Variants in CPO observed in about 807,000 individuals in gnomAD.
CPO encodes the protein metallocarboxypeptidase C.
In CPO, 43 loss-of-function variants were observed where a neutral mutation model predicts 41.2. That is an observed-to-expected ratio of 1.04 (90% CI 0.82 to 1.35). CPO has a LOEUF of 1.35. Among genes scored for constraint, CPO ranks in the 40% most tolerant of loss-of-function variants. The pLI, the probability that CPO is intolerant of heterozygous loss-of-function variation, is 0.00. For synonymous variants in CPO, 178 were observed against 162.7 expected, an observed-to-expected ratio of 1.09 and a Z score of -0.72; for missense variants, 408 against 451.7, an observed-to-expected ratio of 0.90 and a Z score of 0.88.
rs146258557 is a variant in CPO, at chr2:206,954,789, A to G, written c.166-674A>G. 6.8e-3 allele frequency among the ~76,000 whole-genome samples: 1,042 copies of G among 152,322 alleles called. 17 individuals are homozygous for G. The highest frequency in any genetic ancestry group is 0.024 in the African/African-American group (992 of 41,576). ...GGGCTGGGGAGGCCTCAGGAAACTT[A>G]CAATCATGGTGGAAGGGGAAACAAG... On this transcript the variant is annotated intron_variant, in intron 2 of 8. Coordinates refer to ENST00000272852, the MANE Select transcript of CPO (RefSeq NM_173077.3).
At chr2:206,968,721 T>C (rs1044623226) in intron 8 of CPO, among the ~76,000 whole-genome samples, 2 of 152,270 alleles carry the variant, frequency 1.3e-5, no homozygotes, top group Non-Finnish European at 2.9e-5. Context: ...GAGAAAAAAA[T>C]CTAAAGACAA....
chr2:206,952,510 A>G (rs1693284328), intron 2 of CPO, among the ~76,000 whole-genome samples: 1 of 152,212 alleles, frequency 6.6e-6, no homozygotes, highest in Admixed American at 6.5e-5. Flanking sequence ...GATTGTCTGA[A>G]TATGTCTTAT....
Position 206,962,498 on chromosome 2 carries a change from T to A in CPO, c.661T>A (p.Phe221Ile), listed in dbSNP as rs750595243. The change falls in exon 7 of 9, where the codon TTC becomes ATC. Residue 221 changes from phenylalanine (F) to isoleucine (I), a missense_variant. Phe to Ile is a conservative substitution (Grantham distance 21, BLOSUM62 0). Coordinates refer to ENST00000272852, the MANE Select transcript of CPO (RefSeq NM_173077.3). Reference sequence around the variant, plus strand: ...ACCAGAGACTAAAGCTGTTGCCAGCTTCATAGAGAGCAAGAAGGATGATAT... The same window carrying A: ...ACCAGAGACTAAAGCTGTTGCCAGCATCATAGAGAGCAAGAAGGATGATAT... Reference protein sequence around the residue: ...SEPETKAVASFIESKKDDILC... With the variant: ...SEPETKAVASIIESKKDDILC... 6.2e-7 allele frequency: 1 copy of A among 1,614,176 alleles called. No individual in the cohort carries two copies. The highest frequency in any genetic ancestry group is 8.5e-7 in the Non-Finnish European group (1 of 1,180,000).
At chr2:206,953,507 C>A (rs1040896545) in intron 2 of CPO, among the ~76,000 whole-genome samples, 6 of 152,262 alleles carry the variant, frequency 3.9e-5, no homozygotes, top group African/African-American at 1.4e-4. Context: ...AAGAGGTGGG[C>A]TCCTACAACC....
intron 1 of CPO, among the ~76,000 whole-genome samples, chr2:206,945,893 G>T (rs181707367): frequency 5.6e-4 from 85 of 151,976 alleles, no homozygotes; most frequent in African/African-American, 1.7e-3. Context: ...CCGAGATCAT[G>T]CCATTGCACC....
chr2:206,965,753 G>A (rs1367815925), intron 7 of CPO, among the ~76,000 whole-genome samples: 1 of 152,080 alleles, frequency 6.6e-6, no homozygotes, highest in Non-Finnish European at 1.5e-5. Context: ...AAGCGGGCCG[G>A]AGGTTTTTAC....
chr2:206,943,590 T>C (rs1693068214), intron 1 of CPO, among the ~76,000 whole-genome samples: 1 of 123,874 alleles, frequency 8.1e-6, no homozygotes, highest in African/African-American at 3.1e-5. Flanking sequence ...TAAGCCTATG[T>C]AACAAAGTCT....
intron 8 of CPO, 123 bp from the exon 9 acceptor site, chr2:206,969,051 G>A (rs879200885): frequency 9.9e-7 from 1 of 1,006,782 alleles, no homozygotes; most frequent in South Asian, 1.6e-5. Context: ...AGCTATTTCT[G>A]AGACCCTGAT....
chr2:206,950,697 T>C (rs1693244444), intron 2 of CPO, among the ~76,000 whole-genome samples: 1 of 152,164 alleles, frequency 6.6e-6, no homozygotes, highest in Non-Finnish European at 1.5e-5. Flanking sequence ...AATGATAGAT[T>C]GCATTAAGAA....
At chr2:206,950,121 G>T (rs752440492) in intron 2 of CPO, among the ~76,000 whole-genome samples, 1 of 152,158 alleles carries the variant, frequency 6.6e-6, no homozygotes, top group African/African-American at 2.4e-5. Flanking sequence ...TGTATTTATT[G>T]TAGGATTTAC....
intron 3 of CPO, among the ~76,000 whole-genome samples, chr2:206,956,500 A>C (rs944379070): frequency 2.6e-5 from 4 of 152,174 alleles, no homozygotes; most frequent in African/African-American, 9.7e-5. Flanking sequence ...ACTAAGTCAG[A>C]AACTCGGAGG....
chr2:206,964,366 T>G (rs1453245522), intron 7 of CPO, among the ~76,000 whole-genome samples: 1 of 152,236 alleles, frequency 6.6e-6, no homozygotes, highest in Admixed American at 6.5e-5. Context: ...CTTTACAATT[T>G]ACAGAGAGAT....
intron 2 of CPO, among the ~76,000 whole-genome samples, chr2:206,951,129 T>C (rs776018452): frequency 1.2e-4 from 18 of 152,136 alleles, no homozygotes; most frequent in Non-Finnish European, 2.4e-4. Flanking sequence ...ATGTACCTTT[T>C]AAGTATAAAT....
chr2:206,957,133 T>G (rs1197269497), intron 3 of CPO, among the ~76,000 whole-genome samples: 1 of 151,932 alleles, frequency 6.6e-6, no homozygotes, highest in African/African-American at 2.4e-5. Flanking sequence ...ATCCCAGCAC[T>G]TTGGGAGGCT....
intron 7 of CPO, among the ~76,000 whole-genome samples, chr2:206,967,346 T>TATATATAG (rs1452317069): frequency 2.1e-4 from 23 of 111,300 alleles, no homozygotes; most frequent in African/African-American, 8.8e-4. Context: ...TATATATATA[T>TATATATAG]ATATAGATAT....
intron 4 of CPO, 107 bp downstream of exon 4, chr2:206,958,512 C>A (rs1693415935): frequency 1.6e-6 from 1 of 610,490 alleles, no homozygotes; most frequent in Non-Finnish European, 2.9e-6. Flanking sequence ...TGATGCAACT[C>A]TTTACTGTGC....
chr2:206,953,891 T>C (rs1172205467), intron 2 of CPO, among the ~76,000 whole-genome samples: 1 of 152,330 alleles, frequency 6.6e-6, no homozygotes, highest in African/African-American at 2.4e-5. Flanking sequence ...ACCTGCAGGC[T>C]CAACACTATG....
At chr2:206,965,853 C>T (rs2105829764) in intron 7 of CPO, among the ~76,000 whole-genome samples, 1 of 152,248 alleles carries the variant, frequency 6.6e-6, no homozygotes, top group Middle Eastern at 3.4e-3. Context: ...GGCAGAGAAA[C>T]TGGCTCTATT....
intron 7 of CPO, among the ~76,000 whole-genome samples, chr2:206,967,344 TATATATAG>T (rs1183393009): frequency 9.4e-4 from 72 of 76,784 alleles, no homozygotes; most frequent in Admixed American, 6.7e-3. Context: ...TATATATATA[TATATATAG>T]ATATATAGAT....
Sources: gnomAD v4.1 joint callset for allele counts (sites outside exome capture counted in the v4.1 genomes callset) on GRCh38, gnomAD v4.1.1 for gene constraint, MANE v1.5 for transcripts, NCBI Gene and HGNC (gene_info 2026-07-23, HGNC 2026-07-21) for gene names.